The following LAIR1 variants were observed in gnomAD, a reference collection of about 807,000 sequenced individuals.
LAIR1 encodes the protein leukocyte associated immunoglobulin like receptor 1, also known as leukocyte-associated immunoglobulin-like receptor 1.
In LAIR1, 24 loss-of-function variants were observed where a neutral mutation model predicts 32.8. The observed-to-expected ratio is 0.73, with a 90% CI of 0.53 to 1.03. LAIR1 has a LOEUF of 1.03. LAIR1 is among the 50% of genes least tolerant of loss of function. The pLI is 0.00. For missense variants in LAIR1, 355 were observed against 347.5 expected, an observed-to-expected ratio of 1.02 and a Z score of -0.17; for synonymous variants, 150 against 140.5, an observed-to-expected ratio of 1.07 and a Z score of -0.48.
At chr19:54,374,552 C>T (rs372578307), upstream of LAIR1, among the ~76,000 whole-genome samples, 12 of 152,248 alleles carry the variant, frequency 7.9e-5, no homozygotes, top group East Asian at 1.4e-3. Flanking sequence ...TTTTGGCTGC[C>T]GCAGTGACCT....
chr19:54,360,480 T>A (rs1325479819), intron 3 of LAIR1, among the ~76,000 whole-genome samples: 1 of 151,972 alleles, frequency 6.6e-6, no homozygotes, highest in African/African-American at 2.4e-5. Flanking sequence ...GGACCCTGCG[T>A]TCTGCCCAGT....
chr19:54,365,697 G>T (rs541750542), upstream of LAIR1, among the ~76,000 whole-genome samples: 6 of 151,708 alleles, frequency 4.0e-5, no homozygotes, highest in Admixed American at 1.3e-4. Context: ...CAGGAGAATC[G>T]CTTGAACCCA....
chr19:54,357,043 C>G, intron 4 of LAIR1, 77 bp from the exon 5 acceptor site: 2 of 1,353,552 alleles, frequency 1.5e-6, no homozygotes, highest in Non-Finnish European at 2.1e-6. Context: ...CTCCCACATC[C>G]ACTGTGGGGA....
In LAIR1 at chr19:54,352,195, C is replaced by T. The variant is rs79026632; in HGVS notation, c.*3073G>A. Reference sequence around the variant, plus strand: ...TATCTGCTGCTGCCCCATCTGGCCCCGGTGAGGCTGCTCCTCCCTTTCACG... The same window carrying T: ...TATCTGCTGCTGCCCCATCTGGCCCTGGTGAGGCTGCTCCTCCCTTTCACG... On this transcript the variant is annotated 3_prime_UTR_variant, in exon 10 of 10. Transcript: ENST00000391742. 6,263 of 153,676 alleles carry T rather than the reference C, an allele frequency of 0.041. 156 individuals are homozygous for T. The highest frequency in any genetic ancestry group is 0.059 in the Non-Finnish European group (4,020 of 68,154). The allele number at this position is 153,676 out of a possible 1,614,324, so 9.5% of individuals were successfully genotyped here.
rs1376748604 is a variant in LAIR1, at chr19:54,355,135, T to C, written c.*133A>G. On this transcript the variant is annotated 3_prime_UTR_variant, in exon 10 of 10. Transcript: ENST00000391742. This position sits in a 1 kb window ranked among gnomAD's most constrained non-coding sequence, Gnocchi z 4.7. Reference sequence around the variant, plus strand: ...TTAGAAACCTCCAGTCTCCAGCTCTTGTCTCCAGGACAGCTGCCTGGCTGG... The same window carrying C: ...TTAGAAACCTCCAGTCTCCAGCTCTCGTCTCCAGGACAGCTGCCTGGCTGG... The C allele has an allele frequency of 3.5e-6, 3 of 869,148 alleles. No homozygotes were observed. The highest frequency in any genetic ancestry group is 1.7e-5 in the African/African-American group (1 of 57,430). The allele number at this position is 869,148 out of a possible 1,614,324, so 53.8% of individuals were successfully genotyped here. A position where few individuals can be genotyped will look rare whatever the true frequency, so the allele number is the denominator to read the frequency against.
rs1479091951 is a variant in LAIR1 at position 54,364,654 on chromosome 19, GGGA to G, written c.34+114_34+116del. ...CCAGGGAGAGCAGCAGGGCAGTCTT[GGGA>G]GGAGGAGGACACTTTCCTCCCCAGA... On this transcript the variant is annotated intron_variant, in intron 1 of 9. Transcript: ENST00000391742. This position sits in a 1 kb window ranked among gnomAD's most constrained non-coding sequence, Gnocchi z 4.8. 4.8e-5 allele frequency: 45 copies of G among 946,716 alleles called. 1 individual carries two copies. The highest frequency in any genetic ancestry group is 4.0e-4 in the African/African-American group (25 of 62,068). The allele number at this position is 946,716 out of a possible 1,614,324, so 58.6% of individuals were successfully genotyped here.
upstream of LAIR1, among the ~76,000 whole-genome samples, chr19:54,372,918 G>A (rs62132216): frequency 0.016 from 2,458 of 151,450 alleles, 38 homozygotes; most frequent in Non-Finnish European, 0.021. Context: ...ATCACTTGAG[G>A]TCAGGAGTTC....
At chr19:54,374,961 A>G (rs978786504), upstream of LAIR1, among the ~76,000 whole-genome samples, 4 of 152,052 alleles carry the variant, frequency 2.6e-5, no homozygotes, top group Non-Finnish European at 5.9e-5. Flanking sequence ...TGCTCCAAGA[A>G]GACAGACCCT....
upstream of LAIR1, among the ~76,000 whole-genome samples, chr19:54,365,965 C>T (rs1281650526): frequency 1.3e-5 from 2 of 152,152 alleles, no homozygotes; most frequent in Non-Finnish European, 2.9e-5. Context: ...GAAAATTCTG[C>T]CATGGGCGAC....
upstream of LAIR1, among the ~76,000 whole-genome samples, chr19:54,365,636 C>CA (rs978434221): frequency 8.6e-5 from 13 of 151,996 alleles, no homozygotes; most frequent in East Asian, 1.2e-3. Flanking sequence ...ACTAAAAATA[C>CA]AAAAAATTAG....
rs375124925 is a variant in LAIR1, at chr19:54,361,184, C to G, written c.96G>C (p.Ser32=). Residue 32 remains serine, a synonymous_variant, in exon 3 of 10, where the codon TCG becomes TCC. Coordinates refer to ENST00000391742, the MANE Select transcript of LAIR1 (RefSeq NM_002287.6). The part of the protein sequence containing the change: ...QEEDLPRPSI[S]AEPGTVIPLG... ...GGGGGATCACGGTGCCTGGCTCAGC[C>G]GAGATGGAGGGTCTGGGCAGATCTT... is the stretch of plus-strand genomic sequence containing the variant. 1.9e-6 allele frequency: 3 copies of G among 1,614,172 alleles called. No homozygotes were observed. Among genetic ancestry groups the G allele is most frequent in the Non-Finnish European group, 2.5e-6 (3 of 1,180,036 alleles).
chr19:54,364,864 G>A lies in LAIR1; in HGVS notation c.-60C>T. 5 of 1,613,924 alleles carry A rather than the reference G, an allele frequency of 3.1e-6. No homozygotes were observed. The highest frequency in any genetic ancestry group is 2.2e-5 in the South Asian group (2 of 91,060). On this transcript the variant is annotated 5_prime_UTR_variant, in exon 1 of 10. Coordinates refer to ENST00000391742, the MANE Select transcript of LAIR1 (RefSeq NM_002287.6). The surrounding 1 kb of genome is among the most constrained non-coding windows in gnomAD (Gnocchi z 4.8). ...CGCACCAATGCAAGGACAGAACTCTGCAGCAGACACAAGCAGACAGGATGT... is the reference window on the plus strand; with the variant it reads ...CGCACCAATGCAAGGACAGAACTCTACAGCAGACACAAGCAGACAGGATGT...
upstream of LAIR1, among the ~76,000 whole-genome samples, chr19:54,374,231 T>C (rs775405105): frequency 5.3e-5 from 8 of 152,022 alleles, no homozygotes; most frequent in Non-Finnish European, 1.0e-4. Flanking sequence ...GGTGATTGAC[T>C]CCCCTGTACT....
At chr19:54,357,723 C>A (rs1466645073) in intron 4 of LAIR1, 2 of 152,210 alleles carry the variant, frequency 1.3e-5, no homozygotes, top group East Asian at 1.9e-4. Flanking sequence ...CCGAGCCAAG[C>A]GTCCCTCTTC....
Position 54,356,256 on chromosome 19 carries a change from G to C in LAIR1, c.638C>G (p.Ala213Gly). The C allele has an allele frequency of 6.2e-7, 1 of 1,612,524 alleles. No homozygotes were observed. Among genetic ancestry groups the C allele is most frequent in the Non-Finnish European group, 8.5e-7 (1 of 1,179,718 alleles). ...TGCTGTCCTCTCTAGAACATCAACA[G>C]CCAGGTCAGGCCTAAGAGGAAAAAT... ...EQKPQQRPDLAVDVLERTADK... is the reference protein window; with the variant it reads ...EQKPQQRPDLGVDVLERTADK... Residue 213 changes from alanine to glycine, a missense_variant, in exon 8 of 10, where the codon GCT (alanine) becomes GGT (glycine). Transcript: ENST00000391742.
chr19:54,362,274 C>T (rs1297790345), intron 2 of LAIR1, among the ~76,000 whole-genome samples: 14 of 152,154 alleles, frequency 9.2e-5, no homozygotes, highest in South Asian at 2.1e-4. Flanking sequence ...CCTGTCTAGA[C>T]GAAATTTTCT....
chr19:54,360,926 C>T lies in LAIR1; in HGVS notation c.354G>A (p.Leu118=). 6.2e-7 allele frequency: 1 copy of T among 1,611,634 alleles called. No homozygotes were observed. The highest frequency in any genetic ancestry group is 8.5e-7 in the Non-Finnish European group (1 of 1,178,104). ...KWSEQSDYLE[L]LVKESSGGPD... is the part of the protein sequence containing the mutation. ...AGGTGACGTCCTCACCTTTCACCAG[C>T]AGCTCCAGGTAGTCACTCTGCTCAG... Residue 118 remains leucine (L), a synonymous_variant, in exon 3 of 10, where the codon CTG becomes CTA. Coordinates refer to ENST00000391742, the MANE Select transcript of LAIR1 (RefSeq NM_002287.6).
At chr19:54,370,766 T>C (rs1171829635), upstream of LAIR1, among the ~76,000 whole-genome samples, 1 of 151,028 alleles carries the variant, frequency 6.6e-6, no homozygotes, top group African/African-American at 2.5e-5. Context: ...TTATTTTGCT[T>C]GAGAGCCAAG....
Position 54,355,902 on chromosome 19 carries a change from T to A in LAIR1, c.717+52A>T, listed in dbSNP as rs1043560186. On this transcript the variant is annotated intron_variant, in intron 9 of 9. Transcript: ENST00000391742. This position sits in a 1 kb window ranked among gnomAD's most constrained non-coding sequence, Gnocchi z 4.7. Reference sequence around the variant, plus strand: ...AATTCCTAACCCAAGGAACTGAGATTTTTTTAAGCTGCTAAATTTGGGGTA... The same window carrying A: ...AATTCCTAACCCAAGGAACTGAGATATTTTTAAGCTGCTAAATTTGGGGTA... 3 of 1,287,390 alleles carry A rather than the reference T, an allele frequency of 2.3e-6. No individual in the cohort carries two copies. Among genetic ancestry groups the A allele is most frequent in the Admixed American group, 3.4e-5 (2 of 59,554 alleles). The allele number at this position is 1,287,390 out of a possible 1,614,324, so 79.7% of individuals were successfully genotyped here.
Sources: gnomAD v4.1 joint callset for allele counts (sites outside exome capture counted in the v4.1 genomes callset) on GRCh38, gnomAD v4.1.1 for gene constraint, Gnocchi (gnomAD v3.1) non-coding constraint, MANE v1.5 for transcripts, NCBI Gene and HGNC (gene_info 2026-07-23, HGNC 2026-07-21) for gene names.